PRKN: variants seen among roughly 807,000 people sequenced by gnomAD.
The protein encoded by PRKN is parkin RBR E3 ubiquitin protein ligase.
A neutral mutation model predicts 59.5 loss-of-function variants in PRKN; 56 were observed. The observed-to-expected ratio is 0.94, with a 90% CI of 0.76 to 1.18. The LOEUF is 1.18. Ranked by LOEUF, PRKN falls within the 50% of genes most tolerant of loss-of-function variation. The probability of loss-of-function intolerance (pLI) is 0.00; values close to 1 mark genes in which losing one functional copy is unlikely to be tolerated. For missense variants in PRKN, 657 were observed against 596.4 expected (o/e 1.10, Z -1.06); for synonymous variants, 250 against 222.1 (o/e 1.13, Z -1.12).
At chr6:162,532,371 T>G (rs116656132) in intron 1 of PRKN, among the ~76,000 whole-genome samples, 1 of 152,266 alleles carries the variant, frequency 6.6e-6, no homozygotes, top group Non-Finnish European at 1.5e-5. Flanking sequence ...CATCTCATAG[T>G]GCACATCGTT....
chr6:161,715,965 G>C (rs1786957077), intron 7 of PRKN: 1 of 496,072 alleles, frequency 2.0e-6, no homozygotes, highest in East Asian at 6.8e-5. Context: ...TAGACAGACT[G>C]GGTGAGAAGC....
chr6:162,418,498 G>T (rs1217852265), intron 2 of PRKN, among the ~76,000 whole-genome samples: 2 of 152,078 alleles, frequency 1.3e-5, no homozygotes, highest in Non-Finnish European at 2.9e-5. Flanking sequence ...CATGTGGACT[G>T]CATATCAACA....
chr6:162,068,713 C>T (rs904354622), intron 4 of PRKN, among the ~76,000 whole-genome samples: 4 of 152,094 alleles, frequency 2.6e-5, no homozygotes, highest in Non-Finnish European at 5.9e-5. Flanking sequence ...GTAATATCGT[C>T]AGGGGAAGTC....
At chr6:162,087,785 G>C (rs1779312056) in intron 4 of PRKN, among the ~76,000 whole-genome samples, 1 of 151,858 alleles carries the variant, frequency 6.6e-6, no homozygotes, top group South Asian at 2.1e-4. Context: ...GTAGAGACGG[G>C]GTTTCACCAT....
intron 10 of PRKN, among the ~76,000 whole-genome samples, chr6:161,383,163 G>T (rs531134053): frequency 6.6e-6 from 1 of 152,292 alleles, no homozygotes; most frequent in African/African-American, 2.4e-5. Context: ...AACTGCAGAG[G>T]TCATCCTCCT....
intron 7 of PRKN, among the ~76,000 whole-genome samples, chr6:161,654,048 G>A (rs9458326): frequency 0.073 from 11,048 of 151,870 alleles, 1,398 homozygotes; most frequent in African/African-American, 0.25. Context: ...GTTGAGGCTG[G>A]TCTCGACTCT....
chr6:162,314,650 C>T (rs1193790844), intron 2 of PRKN, among the ~76,000 whole-genome samples: 1 of 152,050 alleles, frequency 6.6e-6, no homozygotes, highest in Non-Finnish European at 1.5e-5. Context: ...TGTTAACACC[C>T]CTAGTAAGTA....
rs1379697079 is a variant in PRKN at position 161,694,260 on chromosome 6, C to T, written c.871+91512G>A. 4.6e-5 allele frequency among the ~76,000 whole-genome samples: 7 copies of T among 152,048 alleles called. 1 individual carries two copies. Among genetic ancestry groups the T allele is most frequent in the Non-Finnish European group, 8.8e-5 (6 of 67,916 alleles). ...TAATAATAAGAAAAAAAGATTTTGA[C>T]CATGGACTATGATGTAACCCATCAT... On this transcript the variant is annotated intron_variant, in intron 7 of 11. Transcript: ENST00000366898.
At position 162,198,699 on chromosome 6, in the gene PRKN, TCAGAGAAGTAAAAC is replaced by T. The variant is rs1784596605; in HGVS notation, c.534+2418_534+2431del. ...GCAGACTGGCTCTGGCTAACTGATT[TCAGAGAAGTAAAAC>T]CACCCCTACCTCTACTGCTCTGCAT... On this transcript the variant is annotated intron_variant, in intron 4 of 11. Transcript: ENST00000366898. Among the ~76,000 whole-genome samples the T allele has an allele frequency of 3.3e-5, 5 of 150,496 alleles. No individual in the cohort carries two copies. The South Asian group carries it at 1.1e-3, about 32-fold the overall frequency.
chr6:161,736,795 C>A (rs77927525), intron 7 of PRKN, among the ~76,000 whole-genome samples: 2,747 of 152,240 alleles, frequency 0.018, 29 homozygotes, highest in Non-Finnish European at 0.024. Context: ...CTGAGAAACC[C>A]CAAGACCTCA....
chr6:162,503,607 T>C (rs1460665421), intron 1 of PRKN, among the ~76,000 whole-genome samples: 1 of 152,050 alleles, frequency 6.6e-6, no homozygotes, highest in Non-Finnish European at 1.5e-5. Flanking sequence ...AACCAAGCAA[T>C]AGGAAGATAG....
At chr6:162,219,614 G>GAAA (rs371488321) in intron 3 of PRKN, among the ~76,000 whole-genome samples, 1 of 137,672 alleles carries the variant, frequency 7.3e-6, no homozygotes, top group African/African-American at 2.8e-5. Flanking sequence ...CAGCATGGAG[G>GAAA]AAAAAAAAAA....
chr6:162,307,073 T>C (rs781197359), intron 2 of PRKN, among the ~76,000 whole-genome samples: 2 of 152,150 alleles, frequency 1.3e-5, no homozygotes, highest in East Asian at 3.9e-4. Flanking sequence ...CCTGAGGACA[T>C]TGTGAGACCA....
intron 1 of PRKN, among the ~76,000 whole-genome samples, chr6:162,586,361 T>G (rs150353388): frequency 6.6e-6 from 1 of 152,328 alleles, no homozygotes; most frequent in African/African-American, 2.4e-5. Flanking sequence ...GAAACTAAAA[T>G]GTACTCTGCT....
chr6:162,010,953 TA>T, intron 5 of PRKN, among the ~76,000 whole-genome samples: 1 of 22,690 alleles, frequency 4.4e-5, no homozygotes, highest in African/African-American at 2.2e-4. Flanking sequence ...ATATAATATA[TA>T]ATTAATATAA....
intron 4 of PRKN, among the ~76,000 whole-genome samples, chr6:162,196,549 A>C (rs1784503835): frequency 6.6e-6 from 1 of 152,176 alleles, no homozygotes; most frequent in Non-Finnish European, 1.5e-5. Flanking sequence ...TTTTCCAGTA[A>C]GCATTCATAT....
At chr6:161,615,519 G>A (rs188916977) in intron 7 of PRKN, among the ~76,000 whole-genome samples, 73 of 152,284 alleles carry the variant, frequency 4.8e-4, no homozygotes, top group African/African-American at 1.6e-3. Context: ...TGAAATTTCA[G>A]GATTCCTGAA....
chr6:161,594,584 A>G (rs982491170), intron 7 of PRKN, among the ~76,000 whole-genome samples: 2 of 152,212 alleles, frequency 1.3e-5, no homozygotes, highest in Admixed American at 6.5e-5. Flanking sequence ...TTTAGAATTT[A>G]TTATCTCATG....
In PRKN at chr6:162,347,247, T is replaced by A. The variant is rs185894743; in HGVS notation, c.172-84482A>T. ...TCACTAATTTTCAGCCTCTGTTCCT[T>A]TCTGATGAAAAAAAAATAAAGCTCA... is the stretch of plus-strand genomic sequence containing the variant. On this transcript the variant is annotated intron_variant, in intron 2 of 11. Transcript: ENST00000366898. Among the ~76,000 whole-genome samples, 1,010 of 151,818 alleles carry A rather than the reference T, an allele frequency of 6.7e-3. 15 individuals carry two copies. The highest frequency in any genetic ancestry group is 0.011 in the South Asian group (55 of 4,828).
Sources: allele counts gnomAD v4.1 joint callset (sites outside exome capture counted in the v4.1 genomes callset), GRCh38; gene constraint gnomAD v4.1.1; transcripts MANE v1.5; gene names NCBI Gene and HGNC (gene_info 2026-07-23, HGNC 2026-07-21).